Variants in IMPG2 observed in about 807,000 individuals in gnomAD.
IMPG2 encodes the protein IPM 200.
In IMPG2, 91 loss-of-function variants were observed where a neutral mutation model predicts 129.2. That is an observed-to-expected ratio of 0.70 (90% CI 0.59 to 0.84). The LOEUF is 0.84. Ranked by LOEUF, IMPG2 falls within the 40% of genes least tolerant of loss-of-function variation. The pLI, the probability that IMPG2 is intolerant of heterozygous loss-of-function variation, is 0.00. For synonymous variants in IMPG2, 510 were observed against 517.7 expected, an observed-to-expected ratio of 0.99 and a Z score of 0.20; for missense variants, 1,430 against 1,461.7, an observed-to-expected ratio of 0.98 and a Z score of 0.35.
chr3:101,284,961 T>C (rs181819898), intron 4 of IMPG2, among the ~76,000 whole-genome samples: 1 of 152,208 alleles, frequency 6.6e-6, no homozygotes, highest in Non-Finnish European at 1.5e-5. Context: ...TTTGCTGACA[T>C]TGCTAGAATG....
At chr3:101,266,776 C>T (rs1379739172) in intron 9 of IMPG2, among the ~76,000 whole-genome samples, 1 of 152,138 alleles carries the variant, frequency 6.6e-6, no homozygotes, top group Non-Finnish European at 1.5e-5. Context: ...ACCCAGCACC[C>T]CTCCTGCATG....
At chr3:101,257,443 C>A in intron 10 of IMPG2, 86 bp downstream of exon 10, 2 of 1,518,304 alleles carry the variant, frequency 1.3e-6, no homozygotes, top group South Asian at 1.1e-5. Context: ...ATGGTCAGAA[C>A]CTTATATATT....
intron 9 of IMPG2, among the ~76,000 whole-genome samples, chr3:101,259,063 C>T (rs62282871): frequency 0.13 from 19,487 of 152,148 alleles, 1,309 homozygotes; most frequent in Middle Eastern, 0.17. Context: ...ATCTGTCCAA[C>T]CCCAGCCCCT....
intron 3 of IMPG2, among the ~76,000 whole-genome samples, chr3:101,299,051 G>C (rs529910008): frequency 6.1e-4 from 93 of 151,888 alleles, no homozygotes; most frequent in Non-Finnish European, 1.1e-3. Context: ...TCATAGGTTT[G>C]GTTTTTTTTA....
Position 101,232,223 on chromosome 3 carries a change from A to T in IMPG2, c.3233+558T>A, listed in dbSNP as rs1015248198. Among the ~76,000 whole-genome samples, 1,413 of 148,896 alleles carry T rather than the reference A, an allele frequency of 9.5e-3. 22 individuals carry two copies. Among genetic ancestry groups the T allele is most frequent in the African/African-American group, 0.032 (1,301 of 40,382 alleles). On this transcript the variant is annotated intron_variant, in intron 15 of 18. Coordinates refer to ENST00000193391, the MANE Select transcript of IMPG2 (RefSeq NM_016247.4). ...TCCAAGTAGTCTCAGTAGGATTTTTATTTTTTTTTTATTTATTTTTTATTT... is the reference window on the plus strand; with the variant it reads ...TCCAAGTAGTCTCAGTAGGATTTTTTTTTTTTTTTTATTTATTTTTTATTT...
At chr3:101,311,861 A>C (rs1278342781) in intron 2 of IMPG2, among the ~76,000 whole-genome samples, 2 of 152,164 alleles carry the variant, frequency 1.3e-5, no homozygotes, top group Non-Finnish European at 2.9e-5. Context: ...AAATCAATGG[A>C]ATACAATTGA....
chr3:101,230,060 G>T (rs979967341), intron 16 of IMPG2, among the ~76,000 whole-genome samples: 2 of 152,140 alleles, frequency 1.3e-5, no homozygotes, highest in Admixed American at 6.6e-5. Context: ...ATGTGCATAG[G>T]ACTGTTCTAC....
chr3:101,304,220 C>G lies in IMPG2; in HGVS notation c.427G>C (p.Asp143His), dbSNP rs1576770282. The change falls in exon 3 of 19, where the codon GAT (aspartate) becomes CAT (histidine). Residue 143 changes from aspartate (D) to histidine (H), a missense_variant. Coordinates refer to ENST00000193391, the MANE Select transcript of IMPG2 (RefSeq NM_016247.4). ...EYHYWMNLCE[D>H]GVTSIFEMGT... is the part of the protein sequence containing the mutation. ...ATTTCAAATATACTTGTGACTCCAT[C>G]CTCACACAAATTCATCCAGTAATGA... 6.2e-7 allele frequency: 1 copy of G among 1,613,880 alleles called. No individual in the cohort carries two copies. The highest frequency in any genetic ancestry group is 1.1e-5 in the South Asian group (1 of 91,078).
intron 13 of IMPG2, 139 bp downstream of exon 13, chr3:101,243,390 T>C (rs1056550079): frequency 3.0e-5 from 23 of 775,996 alleles, no homozygotes; most frequent in Non-Finnish European, 4.6e-5. Context: ...TAGGCCATGA[T>C]ACTATTTGTG....
At chr3:101,239,805 G>T (rs113485950) in intron 14 of IMPG2, among the ~76,000 whole-genome samples, 3,110 of 152,170 alleles carry the variant, frequency 0.02, 107 homozygotes, top group African/African-American at 0.071. Context: ...TATTCTCAGC[G>T]AACTAACACA....
chr3:101,244,629 C>T lies in IMPG2; in HGVS notation c.1702G>A (p.Gly568Ser). The change falls in exon 13 of 19, where the codon GGC becomes AGC. Residue 568 changes from glycine (G) to serine (S), a missense_variant. By Grantham distance (56) the Gly-to-Ser change is moderately conservative. Coordinates refer to ENST00000193391, the MANE Select transcript of IMPG2 (RefSeq NM_016247.4). Reference protein sequence around the residue: ...SPYLTSSIPFGLDSLTSKVKD... With the variant: ...SPYLTSSIPFSLDSLTSKVKD... Reference sequence around the variant, plus strand: ...ACTTTGGAGGTCAAGGAGTCCAAGCCAAAAGGTATAGAAGAGGTCAGATAT... The same window carrying T: ...ACTTTGGAGGTCAAGGAGTCCAAGCTAAAAGGTATAGAAGAGGTCAGATAT... 6.2e-7 allele frequency: 1 copy of T among 1,605,528 alleles called. No individual in the cohort carries two copies. The highest frequency in any genetic ancestry group is 8.5e-7 in the Non-Finnish European group (1 of 1,175,834).
At position 101,234,473 on chromosome 3, in the gene IMPG2, C is replaced by A. The variant is rs514142; in HGVS notation, c.3023-1482G>T. On this transcript the variant is annotated intron_variant, in intron 14 of 18. Transcript: ENST00000193391. ...ATAAATTCCTGTTGTTTTAAGGCAC[C>A]TAGTTTGTGGTACTTTGTTACAGCA... is the stretch of plus-strand genomic sequence containing the variant. Among the ~76,000 whole-genome samples the A allele has an allele frequency of 5.8e-3, 878 of 152,126 alleles. 6 individuals are homozygous for A. The highest frequency in any genetic ancestry group is 0.031 in the Middle Eastern group (9 of 294).
chr3:101,301,363 G>T (rs957996045), intron 3 of IMPG2, among the ~76,000 whole-genome samples: 2 of 152,188 alleles, frequency 1.3e-5, no homozygotes, highest in Non-Finnish European at 2.9e-5. Flanking sequence ...GCTTGACACA[G>T]GGTTGTCATA....
rs571095464 is a variant in IMPG2, at chr3:101,226,043, G to A, written c.*926C>T. On this transcript the variant is annotated 3_prime_UTR_variant, in exon 19 of 19. Coordinates refer to ENST00000193391, the MANE Select transcript of IMPG2 (RefSeq NM_016247.4). Reference sequence around the variant, plus strand: ...GCTGTTTTCCAAATTAATACACCAGGAACTAGAGGAGAGACAGGATTTGCC... The same window carrying A: ...GCTGTTTTCCAAATTAATACACCAGAAACTAGAGGAGAGACAGGATTTGCC... 6.5e-5 allele frequency: 10 copies of A among 154,300 alleles called. No individual in the cohort carries two copies. The South Asian group carries it at 2.0e-3, about 32-fold the overall frequency. 9.6% of individuals were successfully genotyped at this position (154,300 alleles called of 1,614,324 possible).
chr3:101,290,034 G>A (rs144233453), intron 4 of IMPG2, among the ~76,000 whole-genome samples: 95 of 151,868 alleles, frequency 6.3e-4, no homozygotes, highest in African/African-American at 2.1e-3. Context: ...CTTCGGGCAC[G>A]ATGAACTTAG....
intron 4 of IMPG2, among the ~76,000 whole-genome samples, chr3:101,282,108 T>C (rs1218317699): frequency 2.0e-5 from 3 of 152,122 alleles, no homozygotes; most frequent in Non-Finnish European, 4.4e-5. Flanking sequence ...AAAAATAAAT[T>C]TGAATAGTGG....
In IMPG2 at chr3:101,291,370, G is replaced by C. The variant is rs184384923; in HGVS notation, c.533+109C>G. On this transcript the variant is annotated intron_variant, in intron 4 of 18. Transcript: ENST00000193391. ...ACTTATCCACAGGCCTGGTCATTGCGAACTGGCAAGAAAATAGAAAGGCAC... is the reference window on the plus strand; with the variant it reads ...ACTTATCCACAGGCCTGGTCATTGCCAACTGGCAAGAAAATAGAAAGGCAC... The C allele has an allele frequency of 3.2e-6, 3 of 950,502 alleles. No individual in the cohort carries two copies. The Admixed American group carries it at 5.3e-5, about 17-fold the overall frequency. The allele number at this position is 950,502 out of a possible 1,614,324, so 58.9% of individuals were successfully genotyped here.
chr3:101,300,125 C>T (rs1182237883), intron 3 of IMPG2, among the ~76,000 whole-genome samples: 2 of 152,240 alleles, frequency 1.3e-5, no homozygotes, highest in Non-Finnish European at 2.9e-5. Flanking sequence ...TGCAAGGAGG[C>T]CCCACCCAGT....
In IMPG2 at chr3:101,225,076, A is replaced by G. The variant is rs1706206416; in HGVS notation, c.*1893T>C. The G allele has an allele frequency of 1.3e-5, 2 of 152,250 alleles. No individual in the cohort carries two copies. The highest frequency in any genetic ancestry group is 4.8e-5 in the African/African-American group (2 of 41,466). 9.4% of individuals were successfully genotyped at this position (152,250 alleles called of 1,614,324 possible). The stretch of plus-strand genomic sequence containing the variant: ...TTAATTTGTGATAAAATACACTTTC[A>G]TCTAACACGTAGTATAGGAAAACAG... On this transcript the variant is annotated 3_prime_UTR_variant, in exon 19 of 19. Transcript: ENST00000193391.
Sources: gnomAD v4.1 joint callset for allele counts (sites outside exome capture counted in the v4.1 genomes callset) on GRCh38, gnomAD v4.1.1 for gene constraint, MANE v1.5 for transcripts, NCBI Gene and HGNC (gene_info 2026-07-23, HGNC 2026-07-21) for gene names.